Variants in LOC128706666 observed in about 807,000 individuals in gnomAD.
chr20:10,423,208 G>A, the LOC128706666 span, among the ~76,000 whole-genome samples: 8 of 152,086 alleles, frequency 5.3e-5, no homozygotes, highest in Non-Finnish European at 4.4e-5. Flanking sequence ...GGAGCCTGAG[G>A]TGGGCGGATC....
the LOC128706666 span, among the ~76,000 whole-genome samples, chr20:10,422,334 C>T: frequency 6.6e-6 from 1 of 151,888 alleles, no homozygotes; most frequent in African/African-American, 2.4e-5. Flanking sequence ...CTTTTTGTAA[C>T]CTTTAGAGAA....
At chr20:10,425,099 C>T in the LOC128706666 span, among the ~76,000 whole-genome samples, 2 of 151,206 alleles carry the variant, frequency 1.3e-5, no homozygotes, top group African/African-American at 2.4e-5. Context: ...CTGTTCTTTT[C>T]TAATAAATAT....
chr20:10,415,740 T>C, the LOC128706666 span, among the ~76,000 whole-genome samples: 3 of 152,226 alleles, frequency 2.0e-5, no homozygotes, highest in African/African-American at 4.8e-5. Flanking sequence ...GTTTTTCTAG[T>C]TAGAACATTT....
the LOC128706666 span, among the ~76,000 whole-genome samples, chr20:10,419,770 T>C: frequency 6.6e-6 from 1 of 152,224 alleles, no homozygotes; most frequent in African/African-American, 2.4e-5. Context: ...ACTCACATCC[T>C]GCGTGGATGA....
chr20:10,426,264 A>G, the LOC128706666 span, among the ~76,000 whole-genome samples: 2 of 152,212 alleles, frequency 1.3e-5, no homozygotes, highest in Non-Finnish European at 2.9e-5. Context: ...CTTCAAGTCA[A>G]GAATTAGTGC....
the LOC128706666 span, among the ~76,000 whole-genome samples, chr20:10,423,925 A>C: frequency 6.6e-6 from 1 of 152,222 alleles, no homozygotes; most frequent in Non-Finnish European, 1.5e-5. Flanking sequence ...TTTAATGTTT[A>C]CTGAACATCT....
the LOC128706666 span, among the ~76,000 whole-genome samples, chr20:10,420,324 T>G: frequency 2.6e-5 from 4 of 152,222 alleles, no homozygotes; most frequent in African/African-American, 9.6e-5. Context: ...TTGCATTCAA[T>G]TGACTGCCAG....
At chr20:10,425,483 A>G in the LOC128706666 span, among the ~76,000 whole-genome samples, 1 of 152,254 alleles carries the variant, frequency 6.6e-6, no homozygotes, top group Non-Finnish European at 1.5e-5. Flanking sequence ...CTTGACAAGA[A>G]AGTTTTTAAA....
the LOC128706666 span, chr20:10,413,979 T>A: frequency 5.0e-6 from 2 of 400,840 alleles, no homozygotes; most frequent in Non-Finnish European, 8.8e-6. Flanking sequence ...TCCCAAGCAG[T>A]TTGTAGACTG....
the LOC128706666 span, chr20:10,420,735 C>T: frequency 6.6e-6 from 1 of 152,176 alleles, no homozygotes; most frequent in African/African-American, 2.4e-5. Context: ...TCCGAAGGCT[C>T]ATAGTACTTC....
chr20:10,426,346 G>A, the LOC128706666 span, among the ~76,000 whole-genome samples: 5 of 152,222 alleles, frequency 3.3e-5, no homozygotes, highest in African/African-American at 9.6e-5. Flanking sequence ...TTTGGAGGGC[G>A]TGAGGCACAC....
chr20:10,417,621 G>T, the LOC128706666 span, among the ~76,000 whole-genome samples: 5 of 152,056 alleles, frequency 3.3e-5, no homozygotes, highest in South Asian at 1.0e-3. Flanking sequence ...AGAGTTTGAG[G>T]CTGCAGTGAG....
At chr20:10,415,825 T>A in the LOC128706666 span, among the ~76,000 whole-genome samples, 25 of 152,284 alleles carry the variant, frequency 1.6e-4, no homozygotes, top group African/African-American at 4.6e-4. Flanking sequence ...CTTACAGTAG[T>A]GAGACCAGTA....
the LOC128706666 span, chr20:10,413,824 C>T: frequency 2.0e-6 from 1 of 505,744 alleles, no homozygotes. Flanking sequence ...CCAAGATGGA[C>T]ACCTATGAAA....
the LOC128706666 span, among the ~76,000 whole-genome samples, chr20:10,423,030 T>G: frequency 6.6e-6 from 1 of 152,186 alleles, no homozygotes; most frequent in East Asian, 1.9e-4. Context: ...ACATTACTTT[T>G]AAGAGCCATT....
the LOC128706666 span, among the ~76,000 whole-genome samples, chr20:10,414,829 C>T: frequency 1.3e-5 from 2 of 152,150 alleles, no homozygotes; most frequent in Admixed American, 1.3e-4. Flanking sequence ...ATGTTTTAAA[C>T]ACCTGGCTAA....
At chr20:10,423,738 T>C in the LOC128706666 span, among the ~76,000 whole-genome samples, 2 of 152,226 alleles carry the variant, frequency 1.3e-5, no homozygotes, top group African/African-American at 4.8e-5. Flanking sequence ...AACAGTCTAT[T>C]ACTCTTTCCA....
At chr20:10,417,095 CA>C in the LOC128706666 span, among the ~76,000 whole-genome samples, 1 of 151,712 alleles carries the variant, frequency 6.6e-6, no homozygotes, top group Non-Finnish European at 1.5e-5. Flanking sequence ...TAAAAAAATA[CA>C]AAAAACTAGT....
chr20:10,416,424 AAAC>A, the LOC128706666 span, among the ~76,000 whole-genome samples: 1 of 152,282 alleles, frequency 6.6e-6, no homozygotes. Context: ...GACAAAGGAA[AAAC>A]AACAACAGGA....
Sources: allele counts gnomAD v4.1 joint callset (sites outside exome capture counted in the v4.1 genomes callset), GRCh38; gene constraint gnomAD v4.1.1; transcripts MANE v1.5.